The following HGF variants were observed in gnomAD, a reference collection of about 807,000 sequenced individuals.
HGF encodes the protein fibroblast-derived tumor cytotoxic factor.
HGF carries 39 observed loss-of-function variants against 111.6 expected under a neutral mutation model. That is an observed-to-expected ratio of 0.35 (90% CI 0.27 to 0.46). The LOEUF (loss-of-function observed/expected upper bound fraction) is 0.46. HGF is among the 20% of genes least tolerant of loss of function. HGF has a pLI of 1.00. For synonymous variants in HGF, 285 were observed against 294.8 expected (o/e 0.97, Z 0.34); for missense variants, 735 against 910.5 (o/e 0.81, Z 2.48).
chr7:81,716,321 T>C (rs1221372947), intron 11 of HGF, among the ~76,000 whole-genome samples: 1 of 152,148 alleles, frequency 6.6e-6, no homozygotes, highest in East Asian at 1.9e-4. Context: ...GTCAACATTA[T>C]TACTGCTTTT....
chr7:81,767,137 T>C (rs1344029773), intron 1 of HGF, among the ~76,000 whole-genome samples: 1 of 152,134 alleles, frequency 6.6e-6, no homozygotes, highest in Non-Finnish European at 1.5e-5. Flanking sequence ...TATAACCCCT[T>C]CACCTGGTTT....
chr7:81,723,113 C>T (rs992455726), intron 9 of HGF, among the ~76,000 whole-genome samples: 1 of 151,920 alleles, frequency 6.6e-6, no homozygotes, highest in East Asian at 1.9e-4. Flanking sequence ...CAACAAACCC[C>T]CATAACACAA....
intron 5 of HGF, chr7:81,750,860 C>A (rs1788464528): frequency 1.6e-6 from 1 of 631,092 alleles, no homozygotes; most frequent in Admixed American, 6.4e-5. Flanking sequence ...AATATTAATT[C>A]GTTCAGACTT....
chr7:81,761,220 T>G (rs1297235375), intron 2 of HGF, among the ~76,000 whole-genome samples: 2 of 152,142 alleles, frequency 1.3e-5, no homozygotes, highest in African/African-American at 2.4e-5. Context: ...TAGCAAGGCT[T>G]TTATAGGAAA....
intron 9 of HGF, among the ~76,000 whole-genome samples, chr7:81,723,268 A>C (rs1562880383): frequency 2.0e-5 from 3 of 152,300 alleles, no homozygotes; most frequent in Admixed American, 6.5e-5. Flanking sequence ...GAAGCAAGAG[A>C]AGAGGACACT....
chr7:81,753,577 C>A (rs1296444304), intron 4 of HGF, among the ~76,000 whole-genome samples: 1 of 151,850 alleles, frequency 6.6e-6, no homozygotes, highest in Non-Finnish European at 1.5e-5. Flanking sequence ...ATGTACCAAG[C>A]AATATTTTGC....
rs1789400058 is a variant in HGF at position 81,705,541 on chromosome 7, T to C, written c.1865-6A>G. On this transcript the variant is annotated splice_region_variant and splice_polypyrimidine_tract_variant and intron_variant, in intron 16 of 17. Transcript: ENST00000222390. The stretch of plus-strand genomic sequence containing the variant: ...TAGGCCATCATAGTTGATCACTAGA[T>C]TGATGCAAAAAACATACAATAAGGT... 1 of 1,612,192 alleles carries C rather than the reference T, an allele frequency of 6.2e-7. No homozygotes were observed. Among genetic ancestry groups the C allele is most frequent in the Non-Finnish European group, 8.5e-7 (1 of 1,178,696 alleles).
intron 12 of HGF, among the ~76,000 whole-genome samples, chr7:81,710,528 C>T (rs543792055): frequency 6.6e-5 from 10 of 152,184 alleles, no homozygotes; most frequent in African/African-American, 2.4e-4. Context: ...TACACTAAGA[C>T]CAAGCTCCTC....
chr7:81,702,947 A>G (rs975332616), intron 17 of HGF, among the ~76,000 whole-genome samples, 190 bp from the exon 18 acceptor site: 12 of 151,796 alleles, frequency 7.9e-5, no homozygotes, highest in African/African-American at 2.9e-4. Context: ...CAAGACTGAG[A>G]TAAGTACAAA....
In HGF at chr7:81,707,560, T is replaced by G. The variant is rs572142932; in HGVS notation, c.1542-196A>C. On this transcript the variant is annotated intron_variant, in intron 13 of 17. Transcript: ENST00000222390. ...TTGGTGATTGTAGCGTTAGCTTTTT[T>G]TTCATAATGTGACTATAAATTTATG... Among the ~76,000 whole-genome samples the G allele has an allele frequency of 3.9e-5, 6 of 152,288 alleles. No homozygotes were observed. The South Asian group carries it at 1.0e-3, about 26-fold the overall frequency.
chr7:81,736,660 C>G (rs926220269), intron 7 of HGF: 72 of 446,424 alleles, frequency 1.6e-4, no homozygotes, highest in African/African-American at 1.4e-3. Context: ...TTTTTGAAAG[C>G]AGAAGGCATG....
rs761623649 is a variant in HGF, at chr7:81,758,680, G to A, written c.367+12C>T. The stretch of plus-strand genomic sequence containing the variant: ...TATTTCATTATGCAATATTTAGGGA[G>A]AAGTCAGTTACCTTTGTTTTCATAG... On this transcript the variant is annotated intron_variant, in intron 3 of 17. Coordinates refer to ENST00000222390, the MANE Select transcript of HGF (RefSeq NM_000601.6). 6 of 1,394,524 alleles carry A rather than the reference G, an allele frequency of 4.3e-6. No homozygotes were observed. Among genetic ancestry groups the A allele is most frequent in the Non-Finnish European group, 6.1e-6 (6 of 980,764 alleles). The allele number at this position is 1,394,524 out of a possible 1,614,324, so 86.4% of individuals were successfully genotyped here. A position where few individuals can be genotyped will look rare whatever the true frequency, so the allele number is the denominator to read the frequency against.
intron 3 of HGF, among the ~76,000 whole-genome samples, chr7:81,757,761 G>T (rs942271291): frequency 1.1e-4 from 16 of 151,960 alleles, no homozygotes; most frequent in African/African-American, 3.9e-4. Context: ...GAGGTAGCTT[G>T]CTTATTAGTT....
chr7:81,755,888 G>A (rs1447177020), intron 4 of HGF: 1 of 625,330 alleles, frequency 1.6e-6, no homozygotes, highest in Non-Finnish European at 2.9e-6. Context: ...TTACTAGCTA[G>A]TGTTAATTAG....
At chr7:81,723,740 T>G (rs1218093587) in intron 9 of HGF, among the ~76,000 whole-genome samples, 1 of 150,908 alleles carries the variant, frequency 6.6e-6, no homozygotes, top group Non-Finnish European at 1.5e-5. Flanking sequence ...TCTAACTATA[T>G]GTAGAACTTA....
intron 7 of HGF, among the ~76,000 whole-genome samples, chr7:81,731,547 T>C (rs1787657202): frequency 6.6e-6 from 1 of 152,182 alleles, no homozygotes; most frequent in Non-Finnish European, 1.5e-5. Flanking sequence ...TCTTTTATAA[T>C]TTCAATACTA....
chr7:81,745,234 C>T lies in HGF; in HGVS notation c.626-114G>A, dbSNP rs1204651225. 1.7e-5 allele frequency: 18 copies of T among 1,088,950 alleles called. No homozygotes were observed. In the East Asian group the frequency reaches 3.9e-4, roughly 24 times the overall value. The allele number at this position is 1,088,950 out of a possible 1,614,324, so 67.5% of individuals were successfully genotyped here. ...GTAAACAGATTTTTAAAAAATCCTACACATCATTCTAACTTTTTATTAGGG... is the reference window on the plus strand; with the variant it reads ...GTAAACAGATTTTTAAAAAATCCTATACATCATTCTAACTTTTTATTAGGG... On this transcript the variant is annotated intron_variant, in intron 5 of 17. Coordinates refer to ENST00000222390, the MANE Select transcript of HGF (RefSeq NM_000601.6).
chr7:81,702,532 A>T lies in HGF; in HGVS notation c.*49T>A. 1 of 1,418,174 alleles carries T rather than the reference A, an allele frequency of 7.1e-7. No homozygotes were observed. Among genetic ancestry groups the T allele is most frequent in the Non-Finnish European group, 1.0e-6 (1 of 1,003,448 alleles). The allele number at this position is 1,418,174 out of a possible 1,614,324, so 87.8% of individuals were successfully genotyped here. ...AAATTCCACATTCTCTGAAATCTTC[A>T]TGTAAAAGACAGTTGTATTGGTGGG... On this transcript the variant is annotated 3_prime_UTR_variant, in exon 18 of 18. Coordinates refer to ENST00000222390, the MANE Select transcript of HGF (RefSeq NM_000601.6).
At chr7:81,717,700 C>A (rs1044795535) in intron 10 of HGF, among the ~76,000 whole-genome samples, 6 of 151,792 alleles carry the variant, frequency 4.0e-5, no homozygotes, top group Admixed American at 2.6e-4. Context: ...CTAAAGCAAG[C>A]AGATGGCAAA....
Sources: gnomAD v4.1 joint callset for allele counts (sites outside exome capture counted in the v4.1 genomes callset) on GRCh38, gnomAD v4.1.1 for gene constraint, MANE v1.5 for transcripts, NCBI Gene and HGNC (gene_info 2026-07-23, HGNC 2026-07-21) for gene names.